A1CF: variants seen among roughly 807,000 people sequenced by gnomAD.
A1CF encodes APOBEC-1 stimulating protein.
In A1CF, 48 loss-of-function variants were observed where a neutral mutation model predicts 68.9. The ratio of observed to expected loss-of-function variants is 0.70; its 90% confidence interval spans 0.55 to 0.89. The LOEUF (loss-of-function observed/expected upper bound fraction) is 0.89, where lower values mean the gene tolerates loss of function less well. Among genes scored for constraint, A1CF ranks in the 40% least tolerant of loss-of-function variants. A1CF has a pLI of 0.00. For missense variants in A1CF, 653 were observed against 718.9 expected (o/e 0.91, Z 1.05); for synonymous variants, 272 against 260.4 (o/e 1.04, Z -0.43).
intron 3 of A1CF, among the ~76,000 whole-genome samples, chr10:50,849,073 T>G (rs1045990725): frequency 6.6e-6 from 1 of 152,180 alleles, no homozygotes; most frequent in African/African-American, 2.4e-5. Context: ...TACTAGATCC[T>G]TCATTATGTG....
In A1CF at chr10:50,831,778, A is replaced by G. The variant is rs1239722600; in HGVS notation, c.605-3483T>C. Among the ~76,000 whole-genome samples the G allele has an allele frequency of 6.6e-5, 10 of 152,310 alleles. No homozygotes were observed. In the East Asian group the frequency reaches 1.7e-3, roughly 26 times the overall value. Reference sequence around the variant, plus strand: ...AATGGATTTGAATAGACATATCTCAAAAGAAGAAATATAAATCGCCAACAG... The same window carrying G: ...AATGGATTTGAATAGACATATCTCAGAAGAAGAAATATAAATCGCCAACAG... On this transcript the variant is annotated intron_variant, in intron 6 of 12. Transcript: ENST00000373997.
Position 50,832,227 on chromosome 10 carries a change from G to T in A1CF, c.604+3847C>A, listed in dbSNP as rs141642034. Among the ~76,000 whole-genome samples, 26 of 152,252 alleles carry T rather than the reference G, an allele frequency of 1.7e-4. No individual in the cohort carries two copies. The East Asian group carries it at 5.0e-3, about 29-fold the overall frequency. On this transcript the variant is annotated intron_variant, in intron 6 of 12. Transcript: ENST00000373997. ...AGAATTTTGTGAGCCAGTTAAAGTC[G>T]CATTGGTAGCCTGAAATCAGCCACA...
chr10:50,861,922 A>C (rs1840765268), intron 2 of A1CF, among the ~76,000 whole-genome samples: 1 of 149,738 alleles, frequency 6.7e-6, no homozygotes, highest in African/African-American at 2.4e-5. Context: ...CTAATACTAT[A>C]TATATTATGA....
chr10:50,869,574 T>G (rs1841154826), intron 1 of A1CF, among the ~76,000 whole-genome samples: 1 of 152,162 alleles, frequency 6.6e-6, no homozygotes, highest in South Asian at 2.1e-4. Context: ...TCTCATAGAA[T>G]ATATTAGTAT....
At chr10:50,852,483 G>A (rs960010523) in intron 3 of A1CF, among the ~76,000 whole-genome samples, 1 of 152,136 alleles carries the variant, frequency 6.6e-6, no homozygotes, top group Non-Finnish European at 1.5e-5. Context: ...TGGGTGGCTG[G>A]GGTGATAAGC....
chr10:50,876,349 C>T (rs1246994491), intron 1 of A1CF, among the ~76,000 whole-genome samples: 2 of 152,184 alleles, frequency 1.3e-5, no homozygotes, highest in Non-Finnish European at 2.9e-5. Context: ...GCCTGTGCTC[C>T]ACTTGGACAA....
At chr10:50,860,043 C>T (rs1840672984) in intron 2 of A1CF, 58 bp from the exon 3 acceptor site, 4 of 860,930 alleles carry the variant, frequency 4.6e-6, no homozygotes, top group Admixed American at 4.2e-5. Flanking sequence ...CAAACTTCTC[C>T]TTTTCATGAA....
At chr10:50,842,198 G>A (rs1484531453) in intron 4 of A1CF, among the ~76,000 whole-genome samples, 2 of 152,216 alleles carry the variant, frequency 1.3e-5, no homozygotes, top group African/African-American at 4.8e-5. Flanking sequence ...ATTCATGAGA[G>A]AAGTTAAGTT....
In A1CF at chr10:50,813,132, A is replaced by T. The variant is rs565345242; in HGVS notation, c.1323+725T>A. ...TTCAGCCAAAATGTATTTCAGAGAG[A>T]TCAGCACCTATCACACTCCCACAGG... On this transcript the variant is annotated intron_variant, in intron 10 of 12. Transcript: ENST00000373997. Among the ~76,000 whole-genome samples, 7 of 152,328 alleles carry T rather than the reference A, an allele frequency of 4.6e-5. No individual in the cohort carries two copies. The South Asian group carries it at 1.2e-3, about 27-fold the overall frequency.
intron 1 of A1CF, among the ~76,000 whole-genome samples, chr10:50,880,745 A>C (rs1038685501): frequency 1.3e-5 from 2 of 152,224 alleles, no homozygotes; most frequent in Non-Finnish European, 2.9e-5. Context: ...GCTGGATAGA[A>C]TACTAAAATC....
At chr10:50,852,735 G>C (rs1382792851) in intron 3 of A1CF, among the ~76,000 whole-genome samples, 1 of 152,108 alleles carries the variant, frequency 6.6e-6, no homozygotes, top group Non-Finnish European at 1.5e-5. Context: ...GGTTGAAAAA[G>C]AATGTCAATG....
At chr10:50,852,746 C>T (rs1461878536) in intron 3 of A1CF, among the ~76,000 whole-genome samples, 5 of 152,090 alleles carry the variant, frequency 3.3e-5, no homozygotes, top group Admixed American at 6.6e-5. Context: ...AATGTCAATG[C>T]CACAGTGTTT....
rs1838094690 is a variant in A1CF at position 50,811,147 on chromosome 10, G to A, written c.1353C>T (p.Asn451=). Residue 451 remains asparagine, a synonymous_variant, in exon 11 of 13, where the codon AAC becomes AAT. Coordinates refer to ENST00000373997, the MANE Select transcript of A1CF (RefSeq NM_014576.4). ...GCAGCTGGTACACTGGCTGTCCCCA[G>A]TTATTTTTCTGACAAATCTCTTCTA... The part of the protein sequence containing the change: ...QILEEICQKN[N]WGQPVYQLHS... 11 of 1,612,416 alleles carry A rather than the reference G, an allele frequency of 6.8e-6. 1 individual carries two copies. The South Asian group carries it at 1.2e-4, about 18-fold the overall frequency.
At chr10:50,881,657 G>C (rs1193330099) in intron 1 of A1CF, among the ~76,000 whole-genome samples, 8 of 152,116 alleles carry the variant, frequency 5.3e-5, no homozygotes, top group African/African-American at 1.4e-4. Context: ...CTGGAGGGAG[G>C]GAAGGCATCA....
chr10:50,870,426 T>C (rs1048188641), intron 1 of A1CF, among the ~76,000 whole-genome samples: 1 of 151,710 alleles, frequency 6.6e-6, no homozygotes, highest in Non-Finnish European at 1.5e-5. Flanking sequence ...CCTGACAAGG[T>C]AAAAAGGAGA....
intron 1 of A1CF, among the ~76,000 whole-genome samples, chr10:50,883,516 A>G (rs999582888): frequency 6.6e-6 from 1 of 152,178 alleles, no homozygotes; most frequent in Non-Finnish European, 1.5e-5. Flanking sequence ...TTGGTGGAAG[A>G]CTAGACTCTA....
Position 50,801,351 on chromosome 10 carries a change from T to C in A1CF, c.*5378A>G, listed in dbSNP as rs1395036726. 2 of 152,144 alleles carry C rather than the reference T, an allele frequency of 1.3e-5. No individual in the cohort carries two copies. Among genetic ancestry groups the C allele is most frequent in the Non-Finnish European group, 2.9e-5 (2 of 68,048 alleles). The allele number at this position is 152,144 out of a possible 1,614,324, so 9.4% of individuals were successfully genotyped here. On this transcript the variant is annotated 3_prime_UTR_variant, in exon 13 of 13. Coordinates refer to ENST00000373997, the MANE Select transcript of A1CF (RefSeq NM_014576.4). The stretch of plus-strand genomic sequence containing the variant: ...GAAGACAAAGCCAATTCTACAAAAT[T>C]AAAAACAACAAGAAAACAACAACAA...
intron 1 of A1CF, among the ~76,000 whole-genome samples, chr10:50,870,170 C>T (rs906812735): frequency 6.6e-6 from 1 of 151,832 alleles, no homozygotes; most frequent in Non-Finnish European, 1.5e-5. Context: ...ACATTAAAAT[C>T]ATTTTCTCTA....
At chr10:50,850,430 T>G (rs1840187554) in intron 3 of A1CF, among the ~76,000 whole-genome samples, 1 of 152,244 alleles carries the variant, frequency 6.6e-6, no homozygotes, top group Non-Finnish European at 1.5e-5. Flanking sequence ...AATGATGTGT[T>G]TTGCAAAGCT....
Sources: allele counts gnomAD v4.1 joint callset (sites outside exome capture counted in the v4.1 genomes callset), GRCh38; gene constraint gnomAD v4.1.1; transcripts MANE v1.5; gene names NCBI Gene and HGNC (gene_info 2026-07-23, HGNC 2026-07-21).